Variants in REV3L observed in about 807,000 individuals in gnomAD.
REV3L encodes the protein REV3 like, DNA directed polymerase zeta catalytic subunit.
A neutral mutation model predicts 299.4 loss-of-function variants in REV3L; 69 were observed. The ratio of observed to expected loss-of-function variants is 0.23; its 90% CI spans 0.19 to 0.28. The LOEUF is 0.28. Among genes scored for constraint, REV3L ranks in the 10% least tolerant of loss-of-function variants. The pLI is 1.00. For synonymous variants in REV3L, 1,238 were observed against 1,271.4 expected, an observed-to-expected ratio of 0.97 and a Z score of 0.56; for missense variants, 3,128 against 3,693.8, an observed-to-expected ratio of 0.85 and a Z score of 3.97.
At chr6:111,436,173 C>T (rs1305179944) in intron 1 of REV3L, among the ~76,000 whole-genome samples, 3 of 152,066 alleles carry the variant, frequency 2.0e-5, no homozygotes, top group African/African-American at 4.8e-5. Flanking sequence ...GGTGAGGATG[C>T]GGATAAAGGA....
chr6:111,456,537 T>C (rs1181367400), intron 1 of REV3L, among the ~76,000 whole-genome samples: 1 of 152,210 alleles, frequency 6.6e-6, no homozygotes, highest in Non-Finnish European at 1.5e-5. Context: ...TGCCAGCTAC[T>C]GAAACATGGG....
chr6:111,301,756 TATA>T (rs1174237272), intron 31 of REV3L, among the ~76,000 whole-genome samples: 1 of 152,166 alleles, frequency 6.6e-6, no homozygotes, highest in Non-Finnish European at 1.5e-5. Context: ...AGAGAAGCAC[TATA>T]ATGTTTTACA....
chr6:111,332,876 A>G (rs1374849562), intron 23 of REV3L, among the ~76,000 whole-genome samples: 1 of 152,238 alleles, frequency 6.6e-6, no homozygotes, highest in Non-Finnish European at 1.5e-5. Context: ...ATATGGAGTG[A>G]AACAGTTGCA....
chr6:111,421,309 G>A (rs558154508), intron 1 of REV3L, among the ~76,000 whole-genome samples: 1 of 152,122 alleles, frequency 6.6e-6, no homozygotes, highest in African/African-American at 2.4e-5. Flanking sequence ...ATTCAGTTTC[G>A]ATAAACACAA....
intron 13 of REV3L, among the ~76,000 whole-genome samples, chr6:111,372,070 T>G (rs1779857990): frequency 6.6e-6 from 1 of 152,078 alleles, no homozygotes; most frequent in African/African-American, 2.4e-5. Context: ...ATAATAACAA[T>G]AACAATATAA....
intron 1 of REV3L, among the ~76,000 whole-genome samples, chr6:111,425,997 C>T (rs537518842): frequency 1.5e-4 from 23 of 152,170 alleles, no homozygotes; most frequent in Admixed American, 2.0e-4. Context: ...GCTCCTAAAA[C>T]GTTTGGATTC....
rs199886600 is a variant in REV3L, at chr6:111,373,923, C to T, written c.4432G>A (p.Gly1478Ser). Residue 1478 changes from glycine (G) to serine (S), a missense_variant, in exon 13 of 32, where the codon GGC (glycine) becomes AGC (serine). Around this residue, in one of 9 missense-constraint regions of REV3L, gnomAD observed 2,409 missense variants for 2,611.8 expected, o/e 0.92. Coordinates refer to ENST00000368802, the MANE Select transcript of REV3L (RefSeq NM_001372078.1). Reference sequence around the variant, plus strand: ...AAATTTGACATATCTAAAATAAAGCCCCTTTGCTTTTGCTCCCATGCTATT... The same window carrying T: ...AAATTTGACATATCTAAAATAAAGCTCCTTTGCTTTTGCTCCCATGCTATT... ...KQIAWEQKQR[G>S]FILDMSNFKP... The T allele has an allele frequency of 5.0e-5, 81 of 1,613,842 alleles. No individual in the cohort carries two copies. The highest frequency in any genetic ancestry group is 6.7e-5 in the Non-Finnish European group (79 of 1,179,966).
chr6:111,432,193 G>GT (rs1189749483), intron 1 of REV3L, among the ~76,000 whole-genome samples: 1 of 152,190 alleles, frequency 6.6e-6, no homozygotes, highest in African/African-American at 2.4e-5. Context: ...AATGACAGTA[G>GT]TAAGTTTACT....
Position 111,388,024 on chromosome 6 carries a change from A to G in REV3L, c.924T>C (p.Ile308=), listed in dbSNP as rs748387944. 6.2e-7 allele frequency: 1 copy of G among 1,612,922 alleles called. No homozygotes were observed. Among genetic ancestry groups the G allele is most frequent in the Non-Finnish European group, 8.5e-7 (1 of 1,179,412 alleles). ...ACACAGAGAAATCATTCTGTTTGAG[A>G]ATTTCCTGAAGTCTCTTCTGAAATT... The part of the protein sequence containing the change: ...EKKFQKRLQE[I]LKQNDFSVTL... The change falls in exon 8 of 32, where the codon ATT becomes ATC. Residue 308 remains isoleucine (I), a synonymous_variant. Transcript: ENST00000368802.
In REV3L at chr6:111,388,048, T is replaced by A. The variant is rs866295990; in HGVS notation, c.900A>T (p.Lys300Asn). The stretch of plus-strand genomic sequence containing the variant: ...GAATTTCCTGAAGTCTCTTCTGAAA[T>A]TTTTTTTCACTTTCTGTTGCTGGCA... ...RFVPATESEK[K>N]FQKRLQEILK... Residue 300 changes from lysine to asparagine, a missense_variant, in exon 8 of 32, where the codon AAA becomes AAT. By Grantham distance (94) the Lys-to-Asn change is moderately conservative. Around this residue, in one of 9 missense-constraint regions of REV3L, gnomAD observed 2,409 missense variants for 2,611.8 expected, o/e 0.92. Transcript: ENST00000368802. 6.2e-7 allele frequency: 1 copy of A among 1,608,792 alleles called. No individual in the cohort carries two copies. Among genetic ancestry groups the A allele is most frequent in the Non-Finnish European group, 8.5e-7 (1 of 1,176,770 alleles).
intron 9 of REV3L, among the ~76,000 whole-genome samples, chr6:111,385,880 G>A (rs1229987457): frequency 6.6e-6 from 1 of 152,136 alleles, no homozygotes; most frequent in African/African-American, 2.4e-5. Flanking sequence ...AGGAAATGCA[G>A]ATTAAAATGC....
At chr6:111,429,423 C>CT (rs1213848538) in intron 1 of REV3L, among the ~76,000 whole-genome samples, 3 of 152,112 alleles carry the variant, frequency 2.0e-5, no homozygotes, top group African/African-American at 7.2e-5. Context: ...GAAAAAAACA[C>CT]TAACTTACAA....
intron 19 of REV3L, among the ~76,000 whole-genome samples, chr6:111,350,717 C>T (rs1777494317): frequency 6.6e-6 from 1 of 151,324 alleles, no homozygotes; most frequent in Admixed American, 6.6e-5. Context: ...GCTGGGACTA[C>T]AGGCACAAGC....
At position 111,360,473 on chromosome 6, in the gene REV3L, T is replaced by TC. The variant is rs1418783103; in HGVS notation, c.6880-1460_6880-1459insG. 5.0e-5 allele frequency among the ~76,000 whole-genome samples: 7 copies of TC among 140,906 alleles called. No homozygotes were observed. In the East Asian group the frequency reaches 1.4e-3, roughly 28 times the overall value. 92.4% of individuals were successfully genotyped at this position (140,906 alleles called of 152,430 possible). On this transcript the variant is annotated intron_variant, in intron 16 of 31. Coordinates refer to ENST00000368802, the MANE Select transcript of REV3L (RefSeq NM_001372078.1). Reference sequence around the variant, plus strand: ...CATTGTAAATTTGTTAAATAATCTTTTTTTTTTTTTTTTTTTTTTAGACAC... The same window carrying TC: ...CATTGTAAATTTGTTAAATAATCTTTCTTTTTTTTTTTTTTTTTTTAGACAC...
chr6:111,373,770 CTGCCAGTCCAGACTGTCCTTCACCAAA>C lies in REV3L; in HGVS notation c.4558_4584del (p.Phe1520_Ala1528del). 6.2e-7 allele frequency: 1 copy of C among 1,614,056 alleles called. No homozygotes were observed. The highest frequency in any genetic ancestry group is 8.5e-7 in the Non-Finnish European group (1 of 1,179,970). Reference sequence around the variant, plus strand: ...CTTTTTTGTAACAATTCTTTTAGAACTGCCAGTCCAGACTGTCCTTCACCAAATGCTGAAGGTGTTGACACATTTCGA... The same window carrying C: ...CTTTTTTGTAACAATTCTTTTAGAACTGCTGAAGGTGTTGACACATTTCGA... On this transcript the variant is annotated inframe_deletion, in exon 13 of 32. Transcript: ENST00000368802.
At chr6:111,380,958 C>T (rs1780771303) in intron 10 of REV3L, among the ~76,000 whole-genome samples, 1 of 152,204 alleles carries the variant, frequency 6.6e-6, no homozygotes, top group Admixed American at 6.5e-5. Flanking sequence ...CCCTAGCCAC[C>T]CGTGTTTCCT....
At chr6:111,481,316 T>C (rs1479511661) in intron 1 of REV3L, among the ~76,000 whole-genome samples, 1 of 152,204 alleles carries the variant, frequency 6.6e-6, no homozygotes, top group African/African-American at 2.4e-5. Flanking sequence ...CACCACTATA[T>C]TTAAAAGGGC....
At chr6:111,305,128 A>G (rs1013905451) in intron 31 of REV3L, among the ~76,000 whole-genome samples, 4 of 151,290 alleles carry the variant, frequency 2.6e-5, no homozygotes, top group African/African-American at 9.7e-5. Context: ...TTTAGTAGAG[A>G]TGGAATTTCT....
At chr6:111,434,588 T>C (rs1402063446) in intron 1 of REV3L, among the ~76,000 whole-genome samples, 23 of 144,506 alleles carry the variant, frequency 1.6e-4, no homozygotes, top group African/African-American at 6.0e-4. Flanking sequence ...CACTGCACTC[T>C]AGCCTGGGCG....
Sources: gnomAD v4.1 joint callset for allele counts (sites outside exome capture counted in the v4.1 genomes callset) on GRCh38, gnomAD v4.1.1 for gene constraint, gnomAD v4.1.1 regional missense constraint, MANE v1.5 for transcripts, NCBI Gene and HGNC (gene_info 2026-07-23, HGNC 2026-07-21) for gene names.